The following ANXA4 variants were observed in gnomAD, a reference collection of about 807,000 sequenced individuals.
ANXA4 encodes the protein 35-beta calcimedin.
A neutral mutation model predicts 49.8 loss-of-function variants in ANXA4; 39 were observed. The observed-to-expected ratio is 0.78, with a 90% CI of 0.61 to 1.02. ANXA4 has a LOEUF of 1.02. Among genes scored for constraint, ANXA4 ranks in the 50% least tolerant of loss-of-function variants. The probability of loss-of-function intolerance (pLI) is 0.00; values close to 1 mark genes in which losing one functional copy is unlikely to be tolerated. For missense variants in ANXA4, 360 were observed against 410.1 expected, an observed-to-expected ratio of 0.88 and a Z score of 1.05; for synonymous variants, 134 against 152.5, an observed-to-expected ratio of 0.88 and a Z score of 0.89.
intron 2 of ANXA4, among the ~76,000 whole-genome samples, chr2:69,698,730 A>G (rs1340843700): frequency 9.2e-5 from 14 of 152,266 alleles, no homozygotes; most frequent in Middle Eastern, 3.4e-3. Flanking sequence ...GGGGGATTCA[A>G]TTCTGGTCCT....
chr2:69,659,668 C>A (rs1676637588), intron 2 of ANXA4, among the ~76,000 whole-genome samples: 1 of 152,178 alleles, frequency 6.6e-6, no homozygotes, highest in Non-Finnish European at 1.5e-5. Flanking sequence ...CGCCTGTAAT[C>A]CTAGCTCTTT....
intron 2 of ANXA4, among the ~76,000 whole-genome samples, chr2:69,703,701 G>T (rs1345574364): frequency 2.6e-5 from 4 of 152,054 alleles, no homozygotes; most frequent in African/African-American, 9.7e-5. Context: ...TCCTCTCATG[G>T]ATTAGAAATG....
intron 11 of ANXA4, among the ~76,000 whole-genome samples, chr2:69,820,013 A>C (rs1040005332): frequency 1.3e-5 from 2 of 151,420 alleles, no homozygotes; most frequent in African/African-American, 4.9e-5. Context: ...GGTTGCAGTG[A>C]GCTGAAATTG....
rs372351571 is a variant in ANXA4 at position 69,761,854 on chromosome 2, A to T, written c.-46-19666A>T. The stretch of plus-strand genomic sequence containing the variant: ...AAAATAATTTAATTATGTTAAAATA[A>T]CTCAAACTTGTGCTGTCTGTAAAAC... On this transcript the variant is annotated intron_variant, in intron 1 of 12. Transcript: ENST00000394295. Among the ~76,000 whole-genome samples, 11 of 152,306 alleles carry T rather than the reference A, an allele frequency of 7.2e-5. No individual in the cohort carries two copies. In the East Asian group the frequency reaches 1.7e-3, roughly 24 times the overall value.
chr2:69,820,530 G>A (rs1325273838), intron 11 of ANXA4, among the ~76,000 whole-genome samples, 169 bp from the exon 12 acceptor site: 1 of 152,134 alleles, frequency 6.6e-6, no homozygotes, highest in East Asian at 1.9e-4. Context: ...GAGTTGTGGA[G>A]AGCCTTGAAT....
At chr2:69,754,619 A>G in intron 1 of ANXA4, among the ~76,000 whole-genome samples, 1 of 152,126 alleles carries the variant, frequency 6.6e-6, no homozygotes, top group East Asian at 1.9e-4. Context: ...GATTCTGTAG[A>G]TCTAGGGTTG....
chr2:69,720,653 G>T (rs868255414), intron 2 of ANXA4: 1 of 152,198 alleles, frequency 6.6e-6, no homozygotes, highest in African/African-American at 2.4e-5. Flanking sequence ...TTGACCAGAG[G>T]GGGCACAGCT....
chr2:69,736,951 A>G (rs1211818193), intron 3 of ANXA4, among the ~76,000 whole-genome samples: 1 of 151,546 alleles, frequency 6.6e-6, no homozygotes, highest in Non-Finnish European at 1.5e-5. Context: ...ACAGGTGACC[A>G]CCACCACGCT....
At chr2:69,757,440 G>GTTT (rs1196253828) in intron 1 of ANXA4, among the ~76,000 whole-genome samples, 2 of 108,080 alleles carry the variant, frequency 1.9e-5, no homozygotes, top group Non-Finnish European at 2.1e-5. Flanking sequence ...CTAATTTTTT[G>GTTT]TTTTTTTTTT....
intron 3 of ANXA4, among the ~76,000 whole-genome samples, chr2:69,788,875 G>A (rs1672544592): frequency 1.5e-5 from 2 of 135,078 alleles, no homozygotes; most frequent in African/African-American, 2.7e-5. Context: ...AAGAAGGGAA[G>A]AAGGAAGGAA....
intron 2 of ANXA4, among the ~76,000 whole-genome samples, chr2:69,684,208 T>G (rs1226132382): frequency 6.6e-6 from 1 of 152,190 alleles, no homozygotes; most frequent in Non-Finnish European, 1.5e-5. Flanking sequence ...CTTTAGAAAG[T>G]AGGGAGCTTG....
chr2:69,653,956 T>C (rs543617775), intron 2 of ANXA4, among the ~76,000 whole-genome samples: 31 of 152,342 alleles, frequency 2.0e-4, no homozygotes, highest in African/African-American at 6.5e-4. Context: ...CTCTCTTATT[T>C]CCTTGAGCAA....
chr2:69,796,989 C>T (rs1445157173), intron 3 of ANXA4, among the ~76,000 whole-genome samples: 1 of 143,050 alleles, frequency 7.0e-6, no homozygotes, highest in African/African-American at 2.5e-5. Context: ...CAGAAAAGAT[C>T]TAATTGATGG....
intron 2 of ANXA4, among the ~76,000 whole-genome samples, chr2:69,672,015 A>G (rs1480355912): frequency 1.3e-5 from 2 of 152,214 alleles, no homozygotes; most frequent in Non-Finnish European, 2.9e-5. Flanking sequence ...ACATCCTAGA[A>G]AAACTCTTGA....
At chr2:69,695,299 C>T (rs1247021522) in intron 2 of ANXA4, among the ~76,000 whole-genome samples, 2 of 152,186 alleles carry the variant, frequency 1.3e-5, no homozygotes, top group South Asian at 4.1e-4. Flanking sequence ...AGCTGCATTG[C>T]AGACGAGTAT....
intron 2 of ANXA4, among the ~76,000 whole-genome samples, chr2:69,661,811 C>A (rs1039347321): frequency 6.6e-6 from 1 of 151,892 alleles, no homozygotes; most frequent in African/African-American, 2.4e-5. Flanking sequence ...AAACCCAGGA[C>A]GATTTCTTGT....
chr2:69,823,145 A>C (rs992822703), intron 12 of ANXA4, among the ~76,000 whole-genome samples: 1 of 150,736 alleles, frequency 6.6e-6, no homozygotes, highest in Non-Finnish European at 1.5e-5. Flanking sequence ...AATCCATACA[A>C]TATAATACTA....
At chr2:69,644,824 AC>A (rs1216896407) in exon 1 of ANXA4, 2 of 152,244 alleles carry the variant, frequency 1.3e-5, no homozygotes, top group African/African-American at 4.8e-5. Flanking sequence ...ATTGATACTT[AC>A]GTTTCCCTGA....
chr2:69,706,292 CTTTTTTTTTTT>C (rs916740716), intron 2 of ANXA4, among the ~76,000 whole-genome samples: 6 of 59,312 alleles, frequency 1.0e-4, no homozygotes, highest in Middle Eastern at 7.7e-3. Context: ...GGTACAATTC[CTTTTTTTTTTT>C]TTTTTTTTTT....
Sources: gnomAD v4.1 joint callset for allele counts (sites outside exome capture counted in the v4.1 genomes callset) on GRCh38, gnomAD v4.1.1 for gene constraint, MANE v1.5 for transcripts, NCBI Gene and HGNC (gene_info 2026-07-23, HGNC 2026-07-21) for gene names.